The following ATL2 variants were observed in gnomAD, a reference collection of about 807,000 sequenced individuals.
ATL2 encodes the protein atlastin GTPase 2.
Under a neutral mutation model 73.9 loss-of-function variants are expected in ATL2, and 31 were observed. The ratio of observed to expected loss-of-function variants is 0.42; its 90% CI spans 0.32 to 0.57. The LOEUF (loss-of-function observed/expected upper bound fraction) is 0.57. Ranked by LOEUF, ATL2 falls within the 20% of genes least tolerant of loss-of-function variation. The pLI, the probability that ATL2 is intolerant of heterozygous loss-of-function variation, is 0.14. For missense variants in ATL2, 738 were observed against 702.6 expected (o/e 1.05, Z -0.57); for synonymous variants, 291 against 237.5 (o/e 1.23, Z -2.07).
intron 1 of ATL2, among the ~76,000 whole-genome samples, chr2:38,372,624 A>G (rs888007322): frequency 2.0e-5 from 3 of 152,234 alleles, no homozygotes; most frequent in African/African-American, 7.2e-5. Flanking sequence ...AGGATTGTCT[A>G]AAATGCACAT....
At position 38,376,256 on chromosome 2, in the gene ATL2, G is replaced by C. The variant is rs911373999; in HGVS notation, c.118+887C>G. The C allele has an allele frequency of 1.2e-5, 17 of 1,418,336 alleles. No homozygotes were observed. In the African/African-American group the frequency reaches 2.0e-4, roughly 17 times the overall value. The allele number at this position is 1,418,336 out of a possible 1,614,324, so 87.9% of individuals were successfully genotyped here. ...TCAAACGCTAAACTCCTATAAATAG[G>C]GGTGTTATGAGTGAGAGGGATACAC... On this transcript the variant is annotated intron_variant, in intron 1 of 12. Coordinates refer to ENST00000378954, the MANE Select transcript of ATL2 (RefSeq NM_001135673.4).
chr2:38,377,410 G>A (rs926355063), upstream of ATL2: 2 of 581,886 alleles, frequency 3.4e-6, no homozygotes, highest in African/African-American at 4.5e-5. Flanking sequence ...CTCGCCCTCC[G>A]CCTGTATCTC....
Position 38,318,438 on chromosome 2 carries a change from C to T in ATL2, c.603+97G>A, listed in dbSNP as rs544440911. On this transcript the variant is annotated intron_variant, in intron 4 of 12. Coordinates refer to ENST00000378954, the MANE Select transcript of ATL2 (RefSeq NM_001135673.4). The stretch of plus-strand genomic sequence containing the variant: ...CCGAGATCACGCCACTGTACTCCAG[C>T]CTGGGCAACAAGAGTGAAACTCTGT... 12 of 898,444 alleles carry T rather than the reference C, an allele frequency of 1.3e-5. No individual in the cohort carries two copies. The East Asian group carries it at 3.2e-4, about 24-fold the overall frequency. The allele number at this position is 898,444 out of a possible 1,614,324, so 55.7% of individuals were successfully genotyped here.
intron 2 of ATL2, among the ~76,000 whole-genome samples, chr2:38,330,386 C>T (rs1324117727): frequency 6.6e-6 from 1 of 152,122 alleles, no homozygotes; most frequent in African/African-American, 2.4e-5. Flanking sequence ...GTACTCAATA[C>T]TACCAGAGGT....
chr2:38,318,693 T>TA (rs1160373125), intron 3 of ATL2, 54 bp from the exon 4 acceptor site: 65 of 1,442,034 alleles, frequency 4.5e-5, no homozygotes, highest in Admixed American at 9.2e-5. Context: ...AAAATGACTA[T>TA]AAAAAAAATC....
rs1439736007 is a variant in ATL2 at position 38,318,595 on chromosome 2, C to T, written c.543G>A (p.Gln181=). 1.9e-6 allele frequency: 3 copies of T among 1,612,626 alleles called. No individual in the cohort carries two copies. In the Admixed American group the frequency reaches 5.0e-5, roughly 27 times the overall value. ...LMDTQGAFDS[Q]STIKDCATVF... is the part of the protein sequence containing the mutation. ...CCGTTGCACAGTCTTTGATAGTTGA[C>T]TGGCTATCAAAGGCACCCTGGGTAT... is the stretch of plus-strand genomic sequence containing the variant. The change falls in exon 4 of 13, where the codon CAG becomes CAA. Residue 181 remains glutamine, a synonymous_variant. Transcript: ENST00000378954.
At chr2:38,347,123 C>T (rs1427548791) in intron 1 of ATL2, among the ~76,000 whole-genome samples, 1 of 152,166 alleles carries the variant, frequency 6.6e-6, no homozygotes, top group Non-Finnish European at 1.5e-5. Context: ...CAATTTACCA[C>T]TTAGTTTCCC....
intron 1 of ATL2, among the ~76,000 whole-genome samples, chr2:38,369,253 C>T (rs1671524814): frequency 6.6e-6 from 1 of 150,930 alleles, no homozygotes; most frequent in Admixed American, 6.6e-5. Context: ...AGTTCAAGAC[C>T]AGCCTGACCA....
chr2:38,352,858 C>T (rs144659905), intron 1 of ATL2, among the ~76,000 whole-genome samples: 52 of 152,298 alleles, frequency 3.4e-4, no homozygotes, highest in East Asian at 1.7e-3. Flanking sequence ...GCAAGGTACA[C>T]AGTTTGGAAA....
At chr2:38,357,577 G>A (rs1670745282) in intron 1 of ATL2, among the ~76,000 whole-genome samples, 1 of 149,026 alleles carries the variant, frequency 6.7e-6, no homozygotes, top group Non-Finnish European at 1.5e-5. Context: ...GCTTGAACCC[G>A]GGAGGCGGAG....
chr2:38,336,310 G>T (rs1240948858), intron 2 of ATL2, among the ~76,000 whole-genome samples: 1 of 152,166 alleles, frequency 6.6e-6, no homozygotes, highest in African/African-American at 2.4e-5. Context: ...CTGGTCTCTG[G>T]CAACAGTTTG....
chr2:38,375,734 A>C (rs1671923495), intron 1 of ATL2, among the ~76,000 whole-genome samples: 1 of 152,218 alleles, frequency 6.6e-6, no homozygotes, highest in Non-Finnish European at 1.5e-5. Context: ...AAAACAATTA[A>C]TTACTTAAGA....
chr2:38,324,748 G>C (rs890835602), intron 2 of ATL2, among the ~76,000 whole-genome samples: 2 of 152,206 alleles, frequency 1.3e-5, no homozygotes, highest in Non-Finnish European at 2.9e-5. Context: ...AGGTGTCTTT[G>C]ACCTTGAAGA....
intron 9 of ATL2, among the ~76,000 whole-genome samples, chr2:38,305,737 G>A (rs564764003): frequency 6.6e-6 from 1 of 151,906 alleles, no homozygotes; most frequent in East Asian, 1.9e-4. Flanking sequence ...TGAAACAAAT[G>A]AAAACGGAAA....
intron 2 of ATL2, among the ~76,000 whole-genome samples, chr2:38,337,387 G>C (rs921576505): frequency 6.8e-6 from 1 of 147,816 alleles, no homozygotes; most frequent in Non-Finnish European, 1.5e-5. Context: ...TTGAGAGGCT[G>C]AGGCAGGAGA....
At chr2:38,317,607 C>T (rs187958560) in intron 4 of ATL2, among the ~76,000 whole-genome samples, 2 of 152,254 alleles carry the variant, frequency 1.3e-5, no homozygotes, top group East Asian at 3.9e-4. Flanking sequence ...AATTACTCTG[C>T]TTTTATCTCC....
At chr2:38,314,514 A>G (rs1431360050) in intron 6 of ATL2, 94 bp downstream of exon 6, 12 of 810,790 alleles carry the variant, frequency 1.5e-5, no homozygotes, top group Non-Finnish European at 2.0e-5. Context: ...CAATGAGTCT[A>G]TTGTAATATC....
chr2:38,349,801 G>A (rs1023138888), intron 1 of ATL2, among the ~76,000 whole-genome samples: 1 of 152,096 alleles, frequency 6.6e-6, no homozygotes, highest in Non-Finnish European at 1.5e-5. Flanking sequence ...ACAAAGACAG[G>A]CCTTTCAAAT....
Position 38,309,397 on chromosome 2 carries a change from A to C in ATL2, c.1053T>G (p.Asp351Glu). 1 of 1,609,712 alleles carries C rather than the reference A, an allele frequency of 6.2e-7. No homozygotes were observed. Among genetic ancestry groups the C allele is most frequent in the South Asian group, 1.1e-5 (1 of 90,644 alleles). ...CACCTACCTTAAAATATTCTACAAG[A>C]TCTCTACAAGTGACTTTAGATCCAC... is the stretch of plus-strand genomic sequence containing the variant. ...EISGSKVTCR[D>E]LVEYFKAYIK... Residue 351 changes from aspartate (D) to glutamate (E), a missense_variant, in exon 9 of 13, where the codon GAT (aspartate) becomes GAG (glutamate). Physicochemically the swap from Asp to Glu is conservative, Grantham distance 45 (BLOSUM62 2). Coordinates refer to ENST00000378954, the MANE Select transcript of ATL2 (RefSeq NM_001135673.4).
Sources: gnomAD v4.1 joint callset for allele counts (sites outside exome capture counted in the v4.1 genomes callset) on GRCh38, gnomAD v4.1.1 for gene constraint, MANE v1.5 for transcripts, NCBI Gene and HGNC (gene_info 2026-07-23, HGNC 2026-07-21) for gene names.